FOXA2: variants seen among roughly 807,000 people sequenced by gnomAD.
FOXA2 encodes hepatocyte nuclear factor 3-beta.
In FOXA2, 9 loss-of-function variants were observed where a neutral mutation model predicts 33.3. The ratio of observed to expected loss-of-function variants is 0.27; its 90% CI spans 0.16 to 0.47. FOXA2 has a LOEUF of 0.47. Ranked by LOEUF, FOXA2 falls within the 20% of genes least tolerant of loss-of-function variation. The pLI is 0.99. For synonymous variants in FOXA2, 329 were observed against 289.4 expected, an observed-to-expected ratio of 1.14 and a Z score of -1.39; for missense variants, 704 against 659.9, an observed-to-expected ratio of 1.07 and a Z score of -0.73.
chr20:22,584,143 G>T, intron 1 of FOXA2, 49 bp downstream of exon 1: 2 of 1,576,560 alleles, frequency 1.3e-6, no homozygotes, highest in Non-Finnish European at 1.7e-6. Context: ...GGTTGGGGAA[G>T]GAGCGAGCGC....
Position 22,582,720 on chromosome 20 carries a change from G to A in FOXA2, c.522C>T (p.Ile174=). 2.5e-6 allele frequency: 4 copies of A among 1,614,192 alleles called. No homozygotes were observed. Among genetic ancestry groups the A allele is most frequent in the Non-Finnish European group, 3.4e-6 (4 of 1,180,028 alleles). Residue 174 remains isoleucine, a synonymous_variant, in exon 2 of 2, where the codon ATC becomes ATT. Coordinates refer to ENST00000419308, the MANE Select transcript of FOXA2 (RefSeq NM_021784.5). ...TGGGGCTCTGCTGGATGGCCATGGT[G>A]ATGAGCGAGATGTACGAGTAGGGCG... is the stretch of plus-strand genomic sequence containing the variant. ...AKPPYSYISL[I]TMAIQQSPNK...
At chr20:22,584,672 T>TGGAGGAGAAGGA (rs1325551283), upstream of FOXA2, among the ~76,000 whole-genome samples, 349 of 34,394 alleles carry the variant, frequency 0.01, 5 homozygotes, top group Middle Eastern at 0.032. Context: ...GTGGTGGTGG[T>TGGAGGAGAAGGA]GGAGGAGGAG....
chr20:22,581,584 G>C lies in FOXA2; in HGVS notation c.*266C>G, dbSNP rs1210452069. ...GGAGTCTACACAGTAGTGGAAACCG[G>C]AGGCTTTTTTTTAACTTTATATTCT... On this transcript the variant is annotated 3_prime_UTR_variant, in exon 2 of 2. Coordinates refer to ENST00000419308, the MANE Select transcript of FOXA2 (RefSeq NM_021784.5). 5.6e-6 allele frequency: 2 copies of C among 355,578 alleles called. No individual in the cohort carries two copies. Among genetic ancestry groups the C allele is most frequent in the East Asian group, 8.6e-5 (2 of 23,246 alleles). 22.0% of individuals were successfully genotyped at this position (355,578 alleles called of 1,614,324 possible).
chr20:22,582,345 C>T lies in FOXA2; in HGVS notation c.897G>A (p.Pro299=). The T allele has an allele frequency of 6.8e-7, 1 of 1,478,222 alleles. No homozygotes were observed. Among genetic ancestry groups the T allele is most frequent in the East Asian group, 2.4e-5 (1 of 40,854 alleles). The allele number at this position is 1,478,222 out of a possible 1,614,324, so 91.6% of individuals were successfully genotyped here. The change falls in exon 2 of 2, where the codon CCG becomes CCA. Residue 299 remains proline (P), a synonymous_variant. Transcript: ENST00000419308. ...CGGTGCCCGCCGGAGTCTCGGAGGC[C>T]GGCCCGGCGGCCTCCCCGAGTTGAG... The part of the protein sequence containing the change: ...SQAQLGEAAG[P]ASETPAGTES...
chr20:22,583,319 G>C (rs1052046687), intron 1 of FOXA2, among the ~76,000 whole-genome samples, 165 bp from the exon 2 acceptor site: 1 of 152,198 alleles, frequency 6.6e-6, no homozygotes. Flanking sequence ...TTCATTCAGG[G>C]AGAGTCATGA....
Position 22,582,426 on chromosome 20 carries a change from G to A in FOXA2, c.816C>T (p.Ala272=), listed in dbSNP as rs748047644. The A allele has an allele frequency of 3.5e-5, 55 of 1,588,464 alleles. No homozygotes were observed. The Admixed American group carries it at 9.0e-4, about 26-fold the overall frequency. The stretch of plus-strand genomic sequence containing the variant: ...TCTTGCCGCTGCCGGCGGCGCCTGC[G>A]GCCTCCTTCAGCGCCAGCTGCTTCT... ...KCEKQLALKE[A]AGAAGSGKKA... is the part of the protein sequence containing the mutation. Residue 272 remains alanine, a synonymous_variant, in exon 2 of 2, where the codon GCC becomes GCT. Transcript: ENST00000419308.
At chr20:22,584,768 T>C (rs1156903838), upstream of FOXA2, among the ~76,000 whole-genome samples, 3 of 151,106 alleles carry the variant, frequency 2.0e-5, no homozygotes, top group Non-Finnish European at 4.4e-5. Flanking sequence ...GCTGGTGATA[T>C]AGCGCGGCGC....
chr20:22,584,679 G>GGAGGAGGAA (rs1984714002), upstream of FOXA2, among the ~76,000 whole-genome samples: 1 of 143,114 alleles, frequency 7.0e-6, no homozygotes, highest in African/African-American at 2.6e-5. Flanking sequence ...TGGTGGAGGA[G>GGAGGAGGAA]GAGGAGGAGG....
intron 1 of FOXA2, 144 bp from the exon 2 acceptor site, chr20:22,583,298 T>G (rs879790747): frequency 2.4e-5 from 20 of 849,486 alleles, no homozygotes; most frequent in Non-Finnish European, 3.6e-5. Flanking sequence ...GTCTCCGGAC[T>G]CCGAGTCTGT....
rs1257411947 is a variant in FOXA2, at chr20:22,581,672, C to T, written c.*178G>A. 3.3e-6 allele frequency: 2 copies of T among 600,324 alleles called. No homozygotes were observed. Among genetic ancestry groups the T allele is most frequent in the Admixed American group, 2.9e-5 (1 of 33,910 alleles). 37.2% of individuals were successfully genotyped at this position (600,324 alleles called of 1,614,324 possible). A position where few individuals can be genotyped will look rare whatever the true frequency, so the allele number is the denominator to read the frequency against. On this transcript the variant is annotated 3_prime_UTR_variant, in exon 2 of 2. Coordinates refer to ENST00000419308, the MANE Select transcript of FOXA2 (RefSeq NM_021784.5). ...GTGTGGCCCTCTGTTTGGGACGGAA[C>T]GGCTGCAGCGGGTGAAGAAGACTGC...
At position 22,582,041 on chromosome 20, in the gene FOXA2, G is replaced by T. The variant is rs1487269109; in HGVS notation, c.1201C>A (p.His401Asn). ...EQQHHHSHHH[H>N]QPHKMDLKAY... is the part of the protein sequence containing the mutation. The stretch of plus-strand genomic sequence containing the variant: ...TTGAGGTCCATTTTGTGGGGTTGGT[G>T]GTGGTGGTGGCTGTGGTGGTGCTGC... The change falls in exon 2 of 2, where the codon CAC becomes AAC. Residue 401 changes from histidine to asparagine, a missense_variant. Around this residue, in one of 5 missense-constraint regions of FOXA2, gnomAD observed 343 missense variants for 274.8 expected, o/e 1.25. Transcript: ENST00000419308. The T allele has an allele frequency of 2.5e-6, 4 of 1,613,398 alleles. No individual in the cohort carries two copies. Among genetic ancestry groups the T allele is most frequent in the Non-Finnish European group, 3.4e-6 (4 of 1,179,420 alleles).
At position 22,581,861 on chromosome 20, in the gene FOXA2, T is replaced by A; in HGVS notation, c.1381A>T (p.Asn461Tyr). ...YQGVYSRPIM[N>Y]SS is the part of the protein sequence containing the mutation. ...AAGCCGTCGTCTTCTTAAGAGGAGT[T>A]CATAATGGGCCGGGAGTACACCCCC... Residue 461 changes from asparagine (N) to tyrosine (Y), a missense_variant, in exon 2 of 2, where the codon AAC (asparagine) becomes TAC (tyrosine). Coordinates refer to ENST00000419308, the MANE Select transcript of FOXA2 (RefSeq NM_021784.5). The A allele has an allele frequency of 6.2e-7, 1 of 1,607,804 alleles. No homozygotes were observed. Among genetic ancestry groups the A allele is most frequent in the South Asian group, 1.1e-5 (1 of 90,920 alleles).
rs1600432318 is a variant in FOXA2 at position 22,581,685 on chromosome 20, T to G, written c.*165A>C. The G allele has an allele frequency of 1.6e-6, 1 of 631,064 alleles. No homozygotes were observed. Among genetic ancestry groups the G allele is most frequent in the Non-Finnish European group, 2.7e-6 (1 of 363,830 alleles). The allele number at this position is 631,064 out of a possible 1,614,324, so 39.1% of individuals were successfully genotyped here. A position where few individuals can be genotyped will look rare whatever the true frequency, so the allele number is the denominator to read the frequency against. On this transcript the variant is annotated 3_prime_UTR_variant, in exon 2 of 2. Coordinates refer to ENST00000419308, the MANE Select transcript of FOXA2 (RefSeq NM_021784.5). Reference sequence around the variant, plus strand: ...TTTGGGACGGAACGGCTGCAGCGGGTGAAGAAGACTGCTGTCTTGGGGGTG... The same window carrying G: ...TTTGGGACGGAACGGCTGCAGCGGGGGAAGAAGACTGCTGTCTTGGGGGTG...
Position 22,581,778 on chromosome 20 carries a change from A to T in FOXA2, c.*72T>A, listed in dbSNP as rs1984578266. The T allele has an allele frequency of 4.1e-6, 6 of 1,449,098 alleles. No individual in the cohort carries two copies. The highest frequency in any genetic ancestry group is 5.8e-6 in the Non-Finnish European group (6 of 1,042,458). The allele number at this position is 1,449,098 out of a possible 1,614,324, so 89.8% of individuals were successfully genotyped here. A position where few individuals can be genotyped will look rare whatever the true frequency, so the allele number is the denominator to read the frequency against. ...GCAACACCGTCTCCCCAAAGTCTCG[A>T]CCCCCACTTGCTCTCTCACTTGTCC... On this transcript the variant is annotated 3_prime_UTR_variant, in exon 2 of 2. Transcript: ENST00000419308.
Position 22,582,397 on chromosome 20 carries a change from G to A in FOXA2, c.845C>T (p.Ala282Val). Reference sequence around the variant, plus strand: ...CTGTGAGGCCTGGGCTCCGGCGGCCGCCTTCTTGCCGCTGCCGGCGGCGCC... The same window carrying A: ...CTGTGAGGCCTGGGCTCCGGCGGCCACCTTCTTGCCGCTGCCGGCGGCGCC... ...AAGAAGSGKK[A>V]AAGAQASQAQ... Residue 282 changes from alanine (A) to valine (V), a missense_variant, in exon 2 of 2, where the codon GCG (alanine) becomes GTG (valine). Transcript: ENST00000419308. 6 of 1,554,348 alleles carry A rather than the reference G, an allele frequency of 3.9e-6. No homozygotes were observed. Among genetic ancestry groups the A allele is most frequent in the African/African-American group, 1.4e-5 (1 of 72,488 alleles).
rs1312297263 is a variant in FOXA2, at chr20:22,581,636, G to A, written c.*214C>T. Reference sequence around the variant, plus strand: ...TCCCGTTTTCCTCCTTATATAGAACGTGGGGTATCTGTGTGGCCCTCTGTT... The same window carrying A: ...TCCCGTTTTCCTCCTTATATAGAACATGGGGTATCTGTGTGGCCCTCTGTT... On this transcript the variant is annotated 3_prime_UTR_variant, in exon 2 of 2. Coordinates refer to ENST00000419308, the MANE Select transcript of FOXA2 (RefSeq NM_021784.5). 3 of 512,660 alleles carry A rather than the reference G, an allele frequency of 5.9e-6. No homozygotes were observed. The highest frequency in any genetic ancestry group is 1.0e-5 in the Non-Finnish European group (3 of 289,508). The allele number at this position is 512,660 out of a possible 1,614,324, so 31.8% of individuals were successfully genotyped here.
At chr20:22,583,899 C>A (rs1232666729) in intron 1 of FOXA2, among the ~76,000 whole-genome samples, 1 of 152,166 alleles carries the variant, frequency 6.6e-6, no homozygotes, top group African/African-American at 2.4e-5. Flanking sequence ...CCTCCCCAGC[C>A]GCGCGCTGCC....
Position 22,582,941 on chromosome 20 carries a change from C to T in FOXA2, c.301G>A (p.Gly101Arg), listed in dbSNP as rs758106702. ...GAMAGMGGSA[G>R]AAGVAGMGPH... ...CCCATGCCCGCCACGCCGGCCGCCC[C>T]GGCCGAGCCGCCCATGCCCGCCATG... is the stretch of plus-strand genomic sequence containing the variant. The change falls in exon 2 of 2, where the codon GGG (glycine) becomes AGG (arginine). Residue 101 changes from glycine to arginine, a missense_variant. Physicochemically the swap from Gly to Arg is moderately radical, Grantham distance 125. Transcript: ENST00000419308. 8.4e-6 allele frequency: 13 copies of T among 1,553,748 alleles called. No individual in the cohort carries two copies. Among genetic ancestry groups the T allele is most frequent in the Non-Finnish European group, 8.7e-6 (10 of 1,155,398 alleles).
rs144279222 is a variant in FOXA2 at position 22,582,753 on chromosome 20, G to C, written c.489C>G (p.His163Gln). ...DPKTYRRSYT[H>Q]AKPPYSYISL... ...AGATGTACGAGTAGGGCGGCTTTGC[G>C]TGCGTGTAGCTGCGCCTGTAGGTCT... The change falls in exon 2 of 2, where the codon CAC becomes CAG. Residue 163 changes from histidine to glutamine, a missense_variant. By Grantham distance (24) the His-to-Gln change is conservative. This residue lies in a region of FOXA2 where 304 missense variants were observed against 251.7 expected (regional missense o/e 1.21). Transcript: ENST00000419308. The C allele has an allele frequency of 6.2e-7, 1 of 1,614,150 alleles. No homozygotes were observed. The highest frequency in any genetic ancestry group is 1.3e-5 in the African/African-American group (1 of 75,066).
Sources: gnomAD v4.1 joint callset for allele counts (sites outside exome capture counted in the v4.1 genomes callset) on GRCh38, gnomAD v4.1.1 for gene constraint, gnomAD v4.1.1 regional missense constraint, MANE v1.5 for transcripts, NCBI Gene and HGNC (gene_info 2026-07-23, HGNC 2026-07-21) for gene names.